Variants in CFAP61 observed in about 807,000 individuals in gnomAD.
The protein encoded by CFAP61 is cilia and flagella associated protein 61.
A neutral mutation model predicts 135.6 loss-of-function variants in CFAP61; 107 were observed. The ratio of observed to expected loss-of-function variants is 0.79; its 90% CI spans 0.67 to 0.93. CFAP61 has a LOEUF of 0.93. Ranked by LOEUF, CFAP61 falls within the 40% of genes least tolerant of loss-of-function variation. The pLI is 0.00. For synonymous variants in CFAP61, 575 were observed against 578.5 expected (o/e 0.99, Z 0.09); for missense variants, 1,507 against 1,556.2 (o/e 0.97, Z 0.53).
intron 21 of CFAP61, among the ~76,000 whole-genome samples, chr20:20,273,103 A>G (rs925700250): frequency 6.8e-6 from 1 of 147,416 alleles, no homozygotes; most frequent in Non-Finnish European, 1.5e-5. Flanking sequence ...CTGGCCTCGA[A>G]CTCCTGGCCT....
At chr20:20,167,972 G>T (rs2053954518) in intron 12 of CFAP61, among the ~76,000 whole-genome samples, 1 of 152,130 alleles carries the variant, frequency 6.6e-6, no homozygotes, top group Non-Finnish European at 1.5e-5. Flanking sequence ...GTCCAGACAT[G>T]GAGTGTGAGC....
chr20:20,337,077 C>A (rs2058222184), intron 25 of CFAP61, among the ~76,000 whole-genome samples: 1 of 152,098 alleles, frequency 6.6e-6, no homozygotes, highest in Admixed American at 6.5e-5. Flanking sequence ...ACACCTGGGA[C>A]AGAGAAGAGA....
intron 8 of CFAP61, among the ~76,000 whole-genome samples, chr20:20,120,644 C>A (rs2049538830): frequency 6.6e-6 from 1 of 152,148 alleles, no homozygotes; most frequent in South Asian, 2.1e-4. Context: ...TCAGTTAGGT[C>A]TGTTTGGTCT....
chr20:20,275,133 T>G (rs1285294819), intron 21 of CFAP61, among the ~76,000 whole-genome samples: 1 of 152,192 alleles, frequency 6.6e-6, no homozygotes, highest in Non-Finnish European at 1.5e-5. Flanking sequence ...TCTGTGCACC[T>G]GCATTTCCCC....
intron 18 of CFAP61, among the ~76,000 whole-genome samples, chr20:20,228,849 A>C (rs2048924381): frequency 6.6e-6 from 1 of 152,242 alleles, no homozygotes. Flanking sequence ...GTAGATTCCA[A>C]GATCCTGCAC....
chr20:20,070,754 G>A, intron 2 of CFAP61, 100 bp from the exon 3 acceptor site: 1 of 1,014,754 alleles, frequency 9.9e-7, no homozygotes, highest in Non-Finnish European at 1.4e-6. Flanking sequence ...ACCTCATGCA[G>A]TGGCTGCTGA....
chr20:20,303,256 G>A (rs1051042026), intron 25 of CFAP61, among the ~76,000 whole-genome samples: 3 of 152,190 alleles, frequency 2.0e-5, no homozygotes, highest in African/African-American at 7.2e-5. Context: ...CTAAATAGAA[G>A]GTGATTCTGA....
At chr20:20,311,020 G>A (rs2056795068) in intron 25 of CFAP61, among the ~76,000 whole-genome samples, 1 of 152,184 alleles carries the variant, frequency 6.6e-6, no homozygotes, top group Non-Finnish European at 1.5e-5. Context: ...GTCCCATGTA[G>A]AACCTACACT....
At chr20:20,253,168 C>CTTTTCTTTTCTTTT (rs1569196299) in intron 20 of CFAP61, 1 of 53,382 alleles carries the variant, frequency 1.9e-5, no homozygotes, top group African/African-American at 7.6e-5. Flanking sequence ...TCTTTTCTTT[C>CTTTTCTTTTCTTTT]CTTTTCTTCC....
intron 10 of CFAP61, among the ~76,000 whole-genome samples, chr20:20,162,601 A>G (rs963733817): frequency 6.6e-6 from 1 of 152,174 alleles, no homozygotes; most frequent in African/African-American, 2.4e-5. Flanking sequence ...GATGAACAAA[A>G]AAGACAAAGA....
chr20:20,059,942 A>T (rs541699885), intron 2 of CFAP61, among the ~76,000 whole-genome samples: 2 of 152,320 alleles, frequency 1.3e-5, no homozygotes, highest in East Asian at 3.9e-4. Context: ...GAATTGTTGG[A>T]AAGCACTACT....
intron 17 of CFAP61, among the ~76,000 whole-genome samples, chr20:20,216,764 A>C (rs2048065516): frequency 1.3e-5 from 2 of 151,788 alleles, no homozygotes. Context: ...TCAAAGAATG[A>C]GAAGAAAAAC....
intron 8 of CFAP61, among the ~76,000 whole-genome samples, chr20:20,104,622 C>G (rs1440763140): frequency 6.6e-6 from 1 of 151,952 alleles, no homozygotes; most frequent in Non-Finnish European, 1.5e-5. Flanking sequence ...GATCTCGGAA[C>G]CTTGTTTTTA....
chr20:20,154,597 T>A (rs1242565235), intron 9 of CFAP61, among the ~76,000 whole-genome samples: 2 of 151,854 alleles, frequency 1.3e-5, no homozygotes, highest in African/African-American at 4.8e-5. Context: ...CAATCCCTTT[T>A]ACAACAGCTG....
intron 26 of CFAP61, among the ~76,000 whole-genome samples, chr20:20,347,925 G>A (rs1265340725): frequency 2.9e-5 from 3 of 104,072 alleles, no homozygotes; most frequent in Admixed American, 1.4e-4. Context: ...AGAGCAAGAC[G>A]CCATCTCAAA....
intron 12 of CFAP61, 85 bp downstream of exon 12, chr20:20,166,521 G>A (rs1472385670): frequency 2.8e-6 from 3 of 1,067,530 alleles, no homozygotes; most frequent in South Asian, 2.6e-5. Context: ...TTATTATGCT[G>A]TGAATGTTGA....
At chr20:20,318,503 C>T (rs1217077866) in intron 25 of CFAP61, among the ~76,000 whole-genome samples, 1 of 152,168 alleles carries the variant, frequency 6.6e-6, no homozygotes, top group Non-Finnish European at 1.5e-5. Flanking sequence ...ACAGCTAAAC[C>T]GAGGAGTGCA....
At position 20,251,670 on chromosome 20, in the gene CFAP61, C is replaced by A. The variant is rs370294355; in HGVS notation, c.2235C>A (p.Thr745=). 1.2e-6 allele frequency: 2 copies of A among 1,614,186 alleles called. No homozygotes were observed. The highest frequency in any genetic ancestry group is 1.7e-6 in the Non-Finnish European group (2 of 1,180,022). Residue 745 remains threonine, a synonymous_variant, in exon 20 of 27, where the codon ACC becomes ACA. Coordinates refer to ENST00000245957, the MANE Select transcript of CFAP61 (RefSeq NM_015585.4). ...TTAATGTCGTGGTGGGTAGAATGACCGGCATAGACCGAGCAGCCAAGCACG... is the reference window on the plus strand; with the variant it reads ...TTAATGTCGTGGTGGGTAGAATGACAGGCATAGACCGAGCAGCCAAGCACG... The part of the protein sequence containing the change: ...SWVNVVVGRM[T]GIDRAAKHVV...
chr20:20,196,820 A>C lies in CFAP61; in HGVS notation c.1797+44A>C, dbSNP rs1464992222. On this transcript the variant is annotated intron_variant, in intron 16 of 26. Coordinates refer to ENST00000245957, the MANE Select transcript of CFAP61 (RefSeq NM_015585.4). The stretch of plus-strand genomic sequence containing the variant: ...TCACTTTCCCAGCAGGTCAACGTTC[A>C]CAGTGTTGTTGGTGTTGTACGCCGC... 6 of 1,533,920 alleles carry C rather than the reference A, an allele frequency of 3.9e-6. No individual in the cohort carries two copies. In the South Asian group the frequency reaches 5.6e-5, roughly 14 times the overall value.
Sources: gnomAD v4.1 joint callset for allele counts (sites outside exome capture counted in the v4.1 genomes callset) on GRCh38, gnomAD v4.1.1 for gene constraint, MANE v1.5 for transcripts, NCBI Gene and HGNC (gene_info 2026-07-23, HGNC 2026-07-21) for gene names.